Variants in CHMP2B observed in about 807,000 individuals in gnomAD.
CHMP2B encodes charged multivesicular body protein 2B, also known as VPS2 homolog B.
In CHMP2B, 22 loss-of-function variants were observed where a neutral mutation model predicts 29.8. The ratio of observed to expected loss-of-function variants is 0.74; its 90% CI spans 0.53 to 1.05. The LOEUF (loss-of-function observed/expected upper bound fraction) is 1.05. CHMP2B is among the 50% of genes least tolerant of loss of function. CHMP2B has a pLI of 0.00. For missense variants in CHMP2B, 261 were observed against 252.2 expected (o/e 1.03, Z -0.24); for synonymous variants, 78 against 75.8 (o/e 1.03, Z -0.15).
chr3:87,248,446 C>T (rs1479589437), intron 3 of CHMP2B, among the ~76,000 whole-genome samples: 1 of 151,706 alleles, frequency 6.6e-6, no homozygotes, highest in Non-Finnish European at 1.5e-5. Flanking sequence ...CAACCCCTGC[C>T]TCCAGGTTCA....
At chr3:87,248,961 A>T (rs1706265334) in intron 3 of CHMP2B, among the ~76,000 whole-genome samples, 1 of 152,202 alleles carries the variant, frequency 6.6e-6, no homozygotes, top group African/African-American at 2.4e-5. Flanking sequence ...CATATATATA[A>T]AAATGCAGTC....
chr3:87,239,092 GC>G (rs1164550607), intron 1 of CHMP2B, among the ~76,000 whole-genome samples: 1 of 152,046 alleles, frequency 6.6e-6, no homozygotes, highest in Non-Finnish European at 1.5e-5. Context: ...GTCTGTTCAA[GC>G]CTTTAGCTCA....
At chr3:87,251,477 A>T (rs192173981) in intron 4 of CHMP2B, among the ~76,000 whole-genome samples, 56 of 152,126 alleles carry the variant, frequency 3.7e-4, no homozygotes, top group African/African-American at 1.3e-3. Context: ...TATAATACCT[A>T]CTGCAGTTGT....
chr3:87,240,588 C>A (rs1316170174), intron 1 of CHMP2B, 111 bp from the exon 2 acceptor site: 2 of 783,394 alleles, frequency 2.6e-6, no homozygotes, highest in African/African-American at 1.7e-5. Flanking sequence ...TGAGCCACTG[C>A]GCCCAGCCAA....
chr3:87,246,405 G>T (rs1706214665), intron 3 of CHMP2B, among the ~76,000 whole-genome samples: 1 of 152,034 alleles, frequency 6.6e-6, no homozygotes, highest in Admixed American at 6.6e-5. Flanking sequence ...CCAAATTGCT[G>T]GGATTACAGA....
intron 1 of CHMP2B, among the ~76,000 whole-genome samples, chr3:87,235,789 G>C (rs1292223430): frequency 6.6e-6 from 1 of 152,116 alleles, no homozygotes; most frequent in Middle Eastern, 3.2e-3. Context: ...AGACCCTATA[G>C]GTGAAAGACA....
At chr3:87,248,491 A>T (rs1014536516) in intron 3 of CHMP2B, among the ~76,000 whole-genome samples, 12 of 151,562 alleles carry the variant, frequency 7.9e-5, no homozygotes, top group African/African-American at 2.2e-4. Context: ...TGAGTAGCTG[A>T]TATTGCAGGC....
intron 1 of CHMP2B, chr3:87,240,243 T>C (rs1232311358): frequency 1.3e-5 from 2 of 153,288 alleles, no homozygotes; most frequent in African/African-American, 2.4e-5. Flanking sequence ...TAATATTTAA[T>C]TTTTTAGCAT....
chr3:87,244,150 G>A (rs1169188569), intron 2 of CHMP2B, among the ~76,000 whole-genome samples: 9 of 150,750 alleles, frequency 6.0e-5, no homozygotes, highest in Admixed American at 1.3e-4. Context: ...GGGTTCAAGC[G>A]ATTCTTCTGC....
chr3:87,242,068 A>G (rs1044139926), intron 2 of CHMP2B, among the ~76,000 whole-genome samples: 8 of 152,090 alleles, frequency 5.3e-5, no homozygotes, highest in Admixed American at 3.9e-4. Context: ...ATCTTTTTAT[A>G]TACCTGTTTA....
rs765851600 is a variant in CHMP2B at position 87,253,396 on chromosome 3, TC to T, written c.425-4del. 6.5e-7 allele frequency: 1 copy of T among 1,528,874 alleles called. No homozygotes were observed. Among genetic ancestry groups the T allele is most frequent in the South Asian group, 1.1e-5 (1 of 89,436 alleles). 94.7% of individuals were successfully genotyped at this position (1,528,874 alleles called of 1,614,324 possible). ...TAACTGCTTTGCTCCTTCTCCCATA[TC>T]CCCTAGTCAATGATACACTTGATGA... On this transcript the variant is annotated splice_region_variant and splice_polypyrimidine_tract_variant and intron_variant, in intron 4 of 5. Coordinates refer to ENST00000263780, the MANE Select transcript of CHMP2B (RefSeq NM_014043.4).
intron 1 of CHMP2B, among the ~76,000 whole-genome samples, chr3:87,237,544 C>T (rs1706038029): frequency 6.6e-6 from 1 of 152,174 alleles, no homozygotes. Context: ...TTCATTGTGG[C>T]AGCCCTGGCA....
chr3:87,232,180 G>T (rs1431199261), intron 1 of CHMP2B, among the ~76,000 whole-genome samples: 2 of 152,140 alleles, frequency 1.3e-5, no homozygotes, highest in African/African-American at 4.8e-5. Flanking sequence ...GAGGAACAAA[G>T]CTTCTTGGCT....
intron 1 of CHMP2B, among the ~76,000 whole-genome samples, chr3:87,235,889 C>T (rs186941888): frequency 1.3e-5 from 2 of 152,306 alleles, no homozygotes; most frequent in African/African-American, 2.4e-5. Flanking sequence ...GGTTTTCCTA[C>T]AACTTCATCT....
rs1263588345 is a variant in CHMP2B, at chr3:87,254,429, T to C, written c.*607T>C. 2.0e-5 allele frequency: 3 copies of C among 153,522 alleles called. No individual in the cohort carries two copies. The highest frequency in any genetic ancestry group is 4.4e-5 in the Non-Finnish European group (3 of 68,734). The allele number at this position is 153,522 out of a possible 1,614,324, so 9.5% of individuals were successfully genotyped here. A position where few individuals can be genotyped will look rare whatever the true frequency, so the allele number is the denominator to read the frequency against. On this transcript the variant is annotated 3_prime_UTR_variant, in exon 6 of 6. Transcript: ENST00000263780. The stretch of plus-strand genomic sequence containing the variant: ...AAATGTGCTTGACACCTGCCTTAAA[T>C]AGCACAGACCTATTGTGCACATCTT...
Position 87,230,998 on chromosome 3 carries a change from A to AT in CHMP2B, c.34+3451dup, listed in dbSNP as rs533568128. 3.5e-3 allele frequency among the ~76,000 whole-genome samples: 530 copies of AT among 149,966 alleles called. 1 individual carries two copies. The highest frequency in any genetic ancestry group is 6.2e-3 in the Non-Finnish European group (417 of 67,296). ...TCCTTTCTTTCTCCTTTCTGTATTT[A>AT]TTTTTTTTTCTTTTTCTTAAACCTA... On this transcript the variant is annotated intron_variant, in intron 1 of 5. Coordinates refer to ENST00000263780, the MANE Select transcript of CHMP2B (RefSeq NM_014043.4).
chr3:87,238,617 A>AGTAT (rs1215421378), intron 1 of CHMP2B, among the ~76,000 whole-genome samples: 1 of 152,198 alleles, frequency 6.6e-6, no homozygotes, highest in Non-Finnish European at 1.5e-5. Flanking sequence ...CGCATGTTGT[A>AGTAT]GTATGTATCA....
chr3:87,251,869 A>G (rs1706319091), intron 4 of CHMP2B, among the ~76,000 whole-genome samples: 1 of 149,670 alleles, frequency 6.7e-6, no homozygotes. Context: ...TGCAACTACT[A>G]CTTTACTTAT....
intron 1 of CHMP2B, among the ~76,000 whole-genome samples, chr3:87,233,072 CCTG>C (rs1186507177): frequency 6.6e-6 from 1 of 152,134 alleles, no homozygotes; most frequent in African/African-American, 2.4e-5. Context: ...TCTTCCAAGT[CCTG>C]CTGTTTTTCA....
Sources: gnomAD v4.1 joint callset for allele counts (sites outside exome capture counted in the v4.1 genomes callset) on GRCh38, gnomAD v4.1.1 for gene constraint, MANE v1.5 for transcripts, NCBI Gene and HGNC (gene_info 2026-07-23, HGNC 2026-07-21) for gene names.